MFHAS1: variants seen among roughly 807,000 people sequenced by gnomAD.
MFHAS1 encodes the protein multifunctional ROCO family signaling regulator 1, also known as malignant fibrous histiocytoma-amplified sequence 1.
In MFHAS1, 50 loss-of-function variants were observed where a neutral mutation model predicts 70.4. The ratio of observed to expected loss-of-function variants is 0.71; its 90% CI spans 0.57 to 0.90. MFHAS1 has a LOEUF of 0.90. MFHAS1 is among the 40% of genes least tolerant of loss of function. MFHAS1 has a pLI of 0.00. For synonymous variants in MFHAS1, 952 were observed against 620.0 expected, an observed-to-expected ratio of 1.54 and a Z score of -7.96; for missense variants, 1,795 against 1,347.6, an observed-to-expected ratio of 1.33 and a Z score of -5.20.
chr8:8,793,473 C>G (rs1805787652), intron 2 of MFHAS1, among the ~76,000 whole-genome samples: 2 of 152,272 alleles, frequency 1.3e-5, no homozygotes, highest in South Asian at 4.1e-4. Context: ...CCAGATCAGC[C>G]ACCTAAGCCC....
At chr8:8,848,892 T>A (rs1563202714) in intron 1 of MFHAS1, among the ~76,000 whole-genome samples, 1 of 152,146 alleles carries the variant, frequency 6.6e-6, no homozygotes, top group Non-Finnish European at 1.5e-5. Context: ...TTAAATCAAG[T>A]TACCTTTTTT....
chr8:8,815,752 G>A (rs577324328), intron 1 of MFHAS1, among the ~76,000 whole-genome samples: 2 of 152,130 alleles, frequency 1.3e-5, no homozygotes, highest in Non-Finnish European at 2.9e-5. Context: ...GGCATTTCTT[G>A]AAAAGTTGAA....
At chr8:8,833,925 A>G (rs1807502851) in intron 1 of MFHAS1, among the ~76,000 whole-genome samples, 1 of 152,166 alleles carries the variant, frequency 6.6e-6, no homozygotes, top group Non-Finnish European at 1.5e-5. Flanking sequence ...CAGGAGTTCA[A>G]CACCTGCCTG....
rs1181117461 is a variant in MFHAS1 at position 8,891,350 on chromosome 8, C to T, written c.1709G>A (p.Ser570Asn). 1.9e-6 allele frequency: 3 copies of T among 1,611,054 alleles called. No individual in the cohort carries two copies. The African/African-American group carries it at 4.0e-5, about 21-fold the overall frequency. The change falls in exon 1 of 3, where the codon AGC (serine) becomes AAC (asparagine). Residue 570 changes from serine (S) to asparagine (N), a missense_variant. Physicochemically the swap from Ser to Asn is conservative, Grantham distance 46. Transcript: ENST00000276282. The surrounding 1 kb of genome is among the most constrained non-coding windows in gnomAD (Gnocchi z 5.4). The stretch of plus-strand genomic sequence containing the variant: ...CTCGTCCACCACCTTGGCCAAGCGG[C>T]TCAGTCCCTCCGCGTCGTGCTTCTC... ...LQEKHDAEGL[S>N]RLAKVVDEAL...
chr8:8,810,570 G>T (rs1169456126), intron 1 of MFHAS1, among the ~76,000 whole-genome samples: 1 of 152,128 alleles, frequency 6.6e-6, no homozygotes, highest in African/African-American at 2.4e-5. Flanking sequence ...CCACTGAACA[G>T]TAAATACATT....
intron 1 of MFHAS1, among the ~76,000 whole-genome samples, chr8:8,861,530 AT>A (rs1808661064): frequency 6.6e-6 from 1 of 152,354 alleles, no homozygotes; most frequent in Middle Eastern, 3.4e-3. Context: ...GTTTCAGGAC[AT>A]CTAAGGAAAT....
chr8:8,866,881 G>C (rs188754858), intron 1 of MFHAS1, among the ~76,000 whole-genome samples: 1 of 152,348 alleles, frequency 6.6e-6, no homozygotes, highest in Admixed American at 6.5e-5. Context: ...AATCAGGAAA[G>C]AACCGTGTAC....
intron 1 of MFHAS1, among the ~76,000 whole-genome samples, chr8:8,829,873 G>A (rs1259906404): frequency 6.6e-6 from 1 of 152,210 alleles, no homozygotes; most frequent in Non-Finnish European, 1.5e-5. Context: ...TGCCTCACGT[G>A]AGGTCACGTT....
chr8:8,824,560 C>G (rs1807086340), intron 1 of MFHAS1, among the ~76,000 whole-genome samples: 2 of 113,068 alleles, frequency 1.8e-5, no homozygotes, highest in African/African-American at 5.8e-5. Context: ...CACACACACA[C>G]ACACACACCC....
intron 2 of MFHAS1, chr8:8,790,545 C>T: frequency 5.1e-6 from 1 of 196,738 alleles, no homozygotes; most frequent in Non-Finnish European, 9.2e-6. Flanking sequence ...AGAGCTGCCT[C>T]ACTCCTTGCA....
chr8:8,890,220 C>T lies in MFHAS1; in HGVS notation c.2839G>A (p.Ala947Thr). The T allele has an allele frequency of 6.2e-7, 1 of 1,614,160 alleles. No homozygotes were observed. Among genetic ancestry groups the T allele is most frequent in the Non-Finnish European group, 8.5e-7 (1 of 1,180,024 alleles). ...GCGGTCCATATATTTGGTAATGATGCATGGCTAGCAATGGACAGGGTGTCT... is the reference window on the plus strand; with the variant it reads ...GCGGTCCATATATTTGGTAATGATGTATGGCTAGCAATGGACAGGGTGTCT... ...QPDTLSIASH[A>T]SLPNIWTAWQ... Residue 947 changes from alanine (A) to threonine (T), a missense_variant, in exon 1 of 3, where the codon GCA (alanine) becomes ACA (threonine). Physicochemically the swap from Ala to Thr is moderately conservative, Grantham distance 58. Transcript: ENST00000276282.
chr8:8,827,712 AAATTTTCCTCATG>A (rs1449408615), intron 1 of MFHAS1, among the ~76,000 whole-genome samples: 1 of 152,218 alleles, frequency 6.6e-6, no homozygotes, highest in Non-Finnish European at 1.5e-5. Flanking sequence ...ACAGAACTTT[AAATTTTCCTCATG>A]AAATTTTTCT....
chr8:8,814,691 TAAATA>T (rs1283934666), intron 1 of MFHAS1, among the ~76,000 whole-genome samples: 6 of 151,854 alleles, frequency 4.0e-5, no homozygotes, highest in Admixed American at 3.9e-4. Context: ...CTTAAGAAAA[TAAATA>T]AAATAATTTT....
chr8:8,883,073 G>C (rs985326151), intron 1 of MFHAS1, among the ~76,000 whole-genome samples: 30 of 151,920 alleles, frequency 2.0e-4, no homozygotes, highest in African/African-American at 5.3e-4. Context: ...GGATCACTTG[G>C]ACCCAGGAGG....
At chr8:8,793,967 C>A (rs1340362966) in intron 2 of MFHAS1, among the ~76,000 whole-genome samples, 1 of 152,106 alleles carries the variant, frequency 6.6e-6, no homozygotes, top group East Asian at 1.9e-4. Flanking sequence ...GCAGATGGAT[C>A]ACTTGAGGTC....
intron 1 of MFHAS1, among the ~76,000 whole-genome samples, chr8:8,812,298 C>T (rs1343504176): frequency 1.3e-5 from 2 of 152,058 alleles, no homozygotes; most frequent in East Asian, 1.9e-4. Flanking sequence ...AGACTGAAGC[C>T]GGCGTAAGAT....
At chr8:8,844,604 A>C (rs992568586) in intron 1 of MFHAS1, among the ~76,000 whole-genome samples, 7 of 152,208 alleles carry the variant, frequency 4.6e-5, no homozygotes, top group Admixed American at 6.5e-5. Flanking sequence ...ATAAACGGGA[A>C]GCTCCGCAAG....
At chr8:8,889,412 A>G (rs1052845643) in intron 1 of MFHAS1, among the ~76,000 whole-genome samples, 1 of 152,218 alleles carries the variant, frequency 6.6e-6, no homozygotes, top group African/African-American at 2.4e-5. Flanking sequence ...CTCCAATTAC[A>G]AAAGATTTTC....
chr8:8,886,820 A>C (rs1196667602), intron 1 of MFHAS1, among the ~76,000 whole-genome samples: 2 of 152,202 alleles, frequency 1.3e-5, no homozygotes, highest in African/African-American at 4.8e-5. Context: ...CAGAAGCAAA[A>C]TGACTTCTTA....
Sources: gnomAD v4.1 joint callset for allele counts (sites outside exome capture counted in the v4.1 genomes callset) on GRCh38, gnomAD v4.1.1 for gene constraint, Gnocchi (gnomAD v3.1) non-coding constraint, MANE v1.5 for transcripts, NCBI Gene and HGNC (gene_info 2026-07-23, HGNC 2026-07-21) for gene names.